The following PTPRD variants were observed in gnomAD, a reference collection of about 807,000 sequenced individuals.
PTPRD encodes protein tyrosine phosphatase receptor type D.
In PTPRD, 34 loss-of-function variants were observed where a neutral mutation model predicts 214.5. That is an observed-to-expected ratio of 0.16 (90% CI 0.12 to 0.21). PTPRD has a LOEUF of 0.21. Among genes scored for constraint, PTPRD ranks in the 10% least tolerant of loss-of-function variants. The pLI, the probability that PTPRD is intolerant of heterozygous loss-of-function variation, is 1.00. For synonymous variants in PTPRD, 1,128 were observed against 845.7 expected (o/e 1.33, Z -5.79); for missense variants, 2,545 against 2,398.7 (o/e 1.06, Z -1.27).
At chr9:8,410,826 AAAGT>A (rs2093450743) in intron 35 of PTPRD, among the ~76,000 whole-genome samples, 1 of 152,194 alleles carries the variant, frequency 6.6e-6, no homozygotes, top group Non-Finnish European at 1.5e-5. Flanking sequence ...AAAATTACTT[AAAGT>A]AATAATATAT....
chr9:8,433,689 G>A (rs1424828148), intron 35 of PTPRD, among the ~76,000 whole-genome samples: 1 of 152,128 alleles, frequency 6.6e-6, no homozygotes, highest in Admixed American at 6.5e-5. Context: ...AAATGTTTTT[G>A]TATAGCTGTA....
intron 3 of PTPRD, among the ~76,000 whole-genome samples, chr9:10,335,040 T>C (rs774414881): frequency 2.0e-5 from 3 of 151,618 alleles, no homozygotes; most frequent in Admixed American, 6.6e-5. Context: ...TGTAATGCAA[T>C]CCCAATCAAA....
At chr9:8,613,047 T>G (rs1043609637) in intron 14 of PTPRD, among the ~76,000 whole-genome samples, 9 of 152,182 alleles carry the variant, frequency 5.9e-5, no homozygotes, top group Admixed American at 5.9e-4. Context: ...ATTCTGTCAA[T>G]AACAAAACCC....
At chr9:8,869,701 G>C (rs1164795758) in intron 11 of PTPRD, among the ~76,000 whole-genome samples, 2 of 148,874 alleles carry the variant, frequency 1.3e-5, no homozygotes, top group East Asian at 3.9e-4. Context: ...TCCAGGATTT[G>C]CCTTTTTCTT....
At chr9:10,388,215 A>C (rs1317432184) in intron 2 of PTPRD, among the ~76,000 whole-genome samples, 1 of 151,922 alleles carries the variant, frequency 6.6e-6, no homozygotes, top group African/African-American at 2.4e-5. Context: ...AGGTAAGGAA[A>C]TAGGAAGATA....
intron 3 of PTPRD, among the ~76,000 whole-genome samples, chr9:10,180,187 T>C (rs2099273998): frequency 6.6e-6 from 1 of 152,006 alleles, no homozygotes; most frequent in Admixed American, 6.6e-5. Flanking sequence ...AATATTTCAA[T>C]CAAATTATAT....
At chr9:10,059,427 T>C (rs751706360) in intron 3 of PTPRD, among the ~76,000 whole-genome samples, 1 of 152,102 alleles carries the variant, frequency 6.6e-6, no homozygotes, top group South Asian at 2.1e-4. Context: ...TACAAGGCAG[T>C]TGCTGGTACT....
chr9:9,972,964 T>C (rs1018926885), intron 4 of PTPRD, among the ~76,000 whole-genome samples: 1 of 152,080 alleles, frequency 6.6e-6, no homozygotes, highest in Non-Finnish European at 1.5e-5. Flanking sequence ...CACAGGTTCT[T>C]AAATTAAGGC....
intron 5 of PTPRD, among the ~76,000 whole-genome samples, chr9:9,810,769 T>C (rs981247842): frequency 2.6e-5 from 4 of 151,916 alleles, no homozygotes; most frequent in African/African-American, 9.7e-5. Context: ...TAATTTTGAC[T>C]CTCAGGTCTT....
intron 39 of PTPRD, among the ~76,000 whole-genome samples, chr9:8,367,438 C>T (rs974284521): frequency 4.6e-5 from 7 of 152,082 alleles, no homozygotes; most frequent in African/African-American, 7.2e-5. Context: ...AGCCCAAGGA[C>T]GCTGCTAAGC....
intron 5 of PTPRD, among the ~76,000 whole-genome samples, chr9:9,821,108 G>A (rs1477127721): frequency 6.6e-6 from 1 of 152,072 alleles, no homozygotes; most frequent in Non-Finnish European, 1.5e-5. Flanking sequence ...CAATCCATGA[G>A]CATAAATTTT....
chr9:9,902,009 T>C lies in PTPRD; in HGVS notation c.-368+36498A>G, dbSNP rs78776919. 0.024 allele frequency among the ~76,000 whole-genome samples: 3,723 copies of C among 152,310 alleles called. 351 individuals are homozygous for C. The East Asian group carries it at 0.34, about 14-fold the overall frequency. ...ATCTTCTATTTCACAGTTAGTATCA[T>C]ATGAACTCTTTGAAATCAGACTTCC... On this transcript the variant is annotated intron_variant, in intron 5 of 45. Coordinates refer to ENST00000381196, the MANE Select transcript of PTPRD (RefSeq NM_002839.4).
intron 14 of PTPRD, among the ~76,000 whole-genome samples, chr9:8,554,949 TA>T (rs1261173136): frequency 2.6e-5 from 4 of 151,982 alleles, no homozygotes; most frequent in African/African-American, 9.7e-5. Context: ...TATGAGTATA[TA>T]TGACTTAGCT....
chr9:9,113,471 T>C (rs1420099769), intron 10 of PTPRD, among the ~76,000 whole-genome samples: 1 of 152,082 alleles, frequency 6.6e-6, no homozygotes, highest in East Asian at 1.9e-4. Context: ...GCCAGAAAAC[T>C]AGGGGAAGCT....
intron 6 of PTPRD, among the ~76,000 whole-genome samples, chr9:9,754,132 A>G (rs948475476): frequency 2.0e-5 from 3 of 152,218 alleles, no homozygotes; most frequent in South Asian, 2.1e-4. Flanking sequence ...GCTTGAATGA[A>G]AGGATGGAGG....
At chr9:8,718,409 A>G (rs1339040078) in intron 12 of PTPRD, among the ~76,000 whole-genome samples, 2 of 152,174 alleles carry the variant, frequency 1.3e-5, no homozygotes, top group Non-Finnish European at 2.9e-5. Flanking sequence ...TTGAAATGAA[A>G]AAGAAGTATG....
chr9:8,902,802 T>C (rs1257261126), intron 11 of PTPRD, among the ~76,000 whole-genome samples: 1 of 152,228 alleles, frequency 6.6e-6, no homozygotes, highest in Admixed American at 6.5e-5. Context: ...TCTATTTGAA[T>C]TTTCAAAATG....
At chr9:10,215,726 A>G (rs1470012085) in intron 3 of PTPRD, among the ~76,000 whole-genome samples, 1 of 152,074 alleles carries the variant, frequency 6.6e-6, no homozygotes, top group East Asian at 1.9e-4. Context: ...TGTAACAAAC[A>G]CTGGAAACAA....
At chr9:8,419,603 G>A (rs2094208578) in intron 35 of PTPRD, among the ~76,000 whole-genome samples, 2 of 151,472 alleles carry the variant, frequency 1.3e-5, no homozygotes, top group Admixed American at 1.3e-4. Context: ...TTTACAATAA[G>A]GGAAGAAAAG....
Sources: allele counts gnomAD v4.1 joint callset (sites outside exome capture counted in the v4.1 genomes callset), GRCh38; gene constraint gnomAD v4.1.1; transcripts MANE v1.5; gene names NCBI Gene and HGNC (gene_info 2026-07-23, HGNC 2026-07-21).